The following LRRC4C variants were observed in gnomAD, a reference collection of about 807,000 sequenced individuals.
The protein encoded by LRRC4C is leucine rich repeat containing 4C.
LRRC4C carries 5 observed loss-of-function variants against 33.6 expected under a neutral mutation model. The ratio of observed to expected loss-of-function variants is 0.15; its 90% CI spans 0.08 to 0.31. LRRC4C has a LOEUF of 0.31. Ranked by LOEUF, LRRC4C falls within the 10% of genes least tolerant of loss-of-function variation. LRRC4C has a pLI of 1.00. For synonymous variants in LRRC4C, 329 were observed against 302.0 expected (o/e 1.09, Z -0.93); for missense variants, 560 against 796.7 (o/e 0.70, Z 3.58).
chr11:40,810,298 C>G (rs1175320183), intron 2 of LRRC4C, among the ~76,000 whole-genome samples: 1 of 152,172 alleles, frequency 6.6e-6, no homozygotes, highest in Non-Finnish European at 1.5e-5. Context: ...CACCATGGTT[C>G]TCTCAGCTAT....
chr11:40,751,630 T>C (rs1355185755), intron 2 of LRRC4C, among the ~76,000 whole-genome samples: 2 of 152,050 alleles, frequency 1.3e-5, no homozygotes, highest in East Asian at 1.9e-4. Context: ...ACACATCCCA[T>C]GCTCATGAAT....
Position 40,933,666 on chromosome 11 carries a change from T to A in LRRC4C, c.-438A>T, listed in dbSNP as rs1957736457. On this transcript the variant is annotated 5_prime_UTR_variant, in exon 2 of 7. The change creates a new upstream start codon in the 5' untranslated region. Transcript: ENST00000528697. ...TCAGTGTATTAGATGATGTTCCAGC[T>A]TATTTGGCCCCTCTCTCATTGGGTG... The A allele has an allele frequency of 6.6e-6, 1 of 152,208 alleles. No individual in the cohort carries two copies. The highest frequency in any genetic ancestry group is 2.4e-5 in the African/African-American group (1 of 41,464). 9.4% of individuals were successfully genotyped at this position (152,208 alleles called of 1,614,324 possible).
intron 2 of LRRC4C, among the ~76,000 whole-genome samples, chr11:40,914,656 C>G (rs1956861595): frequency 6.6e-6 from 1 of 152,190 alleles, no homozygotes; most frequent in Admixed American, 6.5e-5. Flanking sequence ...GATGCCCTCT[C>G]TCACCTCTGC....
intron 3 of LRRC4C, among the ~76,000 whole-genome samples, chr11:40,609,735 A>T (rs1181405835): frequency 6.6e-6 from 1 of 151,974 alleles, no homozygotes; most frequent in Non-Finnish European, 1.5e-5. Context: ...CATCACAGAA[A>T]TATAAAGATT....
At chr11:41,411,463 T>C (rs1954487393) in intron 1 of LRRC4C, among the ~76,000 whole-genome samples, 1 of 151,918 alleles carries the variant, frequency 6.6e-6, no homozygotes, top group Non-Finnish European at 1.5e-5. Flanking sequence ...TGGTACCCTA[T>C]TGGATAAAGT....
At chr11:40,429,831 G>A (rs562244975) in intron 3 of LRRC4C, among the ~76,000 whole-genome samples, 2 of 152,284 alleles carry the variant, frequency 1.3e-5, no homozygotes, top group Admixed American at 6.5e-5. Flanking sequence ...TTGATTCTTT[G>A]ATTAGTGATG....
chr11:41,218,275 C>G (rs544596830), intron 1 of LRRC4C, among the ~76,000 whole-genome samples: 1 of 152,134 alleles, frequency 6.6e-6, no homozygotes, highest in Non-Finnish European at 1.5e-5. Context: ...GTATGTTCAA[C>G]TTACTTTACT....
At chr11:41,329,500 T>A (rs1360437353) in intron 1 of LRRC4C, among the ~76,000 whole-genome samples, 1 of 152,200 alleles carries the variant, frequency 6.6e-6, no homozygotes, top group African/African-American at 2.4e-5. Context: ...GATCCAAACA[T>A]CTCTAATCCT....
intron 3 of LRRC4C, among the ~76,000 whole-genome samples, chr11:40,564,804 G>A (rs552032500): frequency 6.6e-6 from 1 of 152,158 alleles, no homozygotes; most frequent in Non-Finnish European, 1.5e-5. Flanking sequence ...GACTCCTTTA[G>A]TGGACAAGTT....
intron 1 of LRRC4C, among the ~76,000 whole-genome samples, chr11:41,255,786 C>G (rs1948780488): frequency 6.6e-6 from 1 of 151,920 alleles, no homozygotes; most frequent in African/African-American, 2.4e-5. Context: ...TTAAACAACT[C>G]TGCTAAGTCC....
intron 1 of LRRC4C, among the ~76,000 whole-genome samples, chr11:41,251,477 C>T (rs552412515): frequency 1.3e-5 from 2 of 152,322 alleles, no homozygotes; most frequent in East Asian, 3.9e-4. Context: ...AATATGTGTC[C>T]TGTTTCCCCT....
Position 41,162,851 on chromosome 11 carries a change from G to A in LRRC4C, c.-495-229128C>T, listed in dbSNP as rs372335541. Among the ~76,000 whole-genome samples the A allele has an allele frequency of 1.6e-4, 25 of 152,250 alleles. 2 individuals are homozygous for A. The South Asian group carries it at 5.2e-3, about 32-fold the overall frequency. ...GACTTTATGAACACTGTGCACTTAA[G>A]CTACACAATATTAATTGAAAAACAT... On this transcript the variant is annotated intron_variant, in intron 1 of 6. Transcript: ENST00000528697.
At chr11:41,238,092 T>C (rs2136520541) in intron 1 of LRRC4C, among the ~76,000 whole-genome samples, 1 of 152,322 alleles carries the variant, frequency 6.6e-6, no homozygotes, top group South Asian at 2.1e-4. Context: ...TAAACTCTGC[T>C]AATTTTCTAC....
chr11:41,107,959 AGGGAGAG>A (rs68011353), intron 1 of LRRC4C, among the ~76,000 whole-genome samples: 64,792 of 143,410 alleles, frequency 0.45, 14,503 homozygotes, highest in African/African-American at 0.53. Flanking sequence ...AGAGAAGAGA[AGGGAGAG>A]GGGAGAGGGG....
intron 3 of LRRC4C, among the ~76,000 whole-genome samples, chr11:40,332,056 G>T (rs1299489895): frequency 1.3e-5 from 2 of 152,182 alleles, no homozygotes; most frequent in Admixed American, 1.3e-4. Context: ...CTGTGATGAA[G>T]CTTTTTCTAT....
chr11:40,859,385 T>C (rs1343756684), intron 2 of LRRC4C, among the ~76,000 whole-genome samples: 1 of 152,176 alleles, frequency 6.6e-6, no homozygotes, highest in Admixed American at 6.6e-5. Flanking sequence ...TAGACTTATG[T>C]ATTGTATATC....
intron 2 of LRRC4C, among the ~76,000 whole-genome samples, chr11:40,906,648 G>T (rs1956429238): frequency 6.6e-6 from 1 of 151,726 alleles, no homozygotes; most frequent in Non-Finnish European, 1.5e-5. Flanking sequence ...CTTTATTGTG[G>T]TTGTCTGGAA....
chr11:40,750,171 G>A (rs190815064), intron 2 of LRRC4C, among the ~76,000 whole-genome samples: 13 of 152,070 alleles, frequency 8.5e-5, no homozygotes, highest in African/African-American at 2.7e-4. Flanking sequence ...GTGGTGAGCC[G>A]AGATCATGCC....
intron 3 of LRRC4C, chr11:40,446,950 C>T (rs886581282): frequency 6.6e-6 from 1 of 152,470 alleles, no homozygotes; most frequent in African/African-American, 2.4e-5. Context: ...GGGACACAGC[C>T]AAACCATATC....
Sources: gnomAD v4.1 joint callset for allele counts (sites outside exome capture counted in the v4.1 genomes callset) on GRCh38, gnomAD v4.1.1 for gene constraint, MANE v1.5 for transcripts, NCBI Gene and HGNC (gene_info 2026-07-23, HGNC 2026-07-21) for gene names.